Variants in CDH13 observed in about 807,000 individuals in gnomAD.
The protein encoded by CDH13 is cadherin-13.
In CDH13, 24 loss-of-function variants were observed where a neutral mutation model predicts 63.8. That is an observed-to-expected ratio of 0.38 (90% CI 0.27 to 0.53). The LOEUF is 0.53. CDH13 is among the 20% of genes least tolerant of loss of function. The probability of loss-of-function intolerance (pLI) is 0.85; values close to 1 mark genes in which losing one functional copy is unlikely to be tolerated. For missense variants in CDH13, 1,049 were observed against 903.1 expected (o/e 1.16, Z -2.07); for synonymous variants, 503 against 355.3 (o/e 1.42, Z -4.67).
intron 5 of CDH13, among the ~76,000 whole-genome samples, chr16:83,323,645 A>C (rs1456623866): frequency 1.3e-5 from 2 of 152,196 alleles, no homozygotes; most frequent in Non-Finnish European, 2.9e-5. Flanking sequence ...AAATAAAGCA[A>C]AACAAACAAC....
At chr16:82,765,678 G>A (rs11648993) in intron 1 of CDH13, among the ~76,000 whole-genome samples, 32,478 of 152,024 alleles carry the variant, frequency 0.21, 3,454 homozygotes, top group East Asian at 0.23. Context: ...CATTCTAAGG[G>A]AGGCATAATT....
intron 10 of CDH13, among the ~76,000 whole-genome samples, chr16:83,692,612 C>A (rs894728656): frequency 6.6e-6 from 1 of 152,176 alleles, no homozygotes; most frequent in Admixed American, 6.5e-5. Flanking sequence ...TTTTGCCAAA[C>A]TTACTATAGG....
In CDH13 at chr16:83,797,017, G is replaced by T. The variant is rs1904284922; in HGVS notation, c.*1987G>T. 1 of 152,208 alleles carries T rather than the reference G, an allele frequency of 6.6e-6. No individual in the cohort carries two copies. Among genetic ancestry groups the T allele is most frequent in the Non-Finnish European group, 1.5e-5 (1 of 68,056 alleles). 9.4% of individuals were successfully genotyped at this position (152,208 alleles called of 1,614,324 possible). A position where few individuals can be genotyped will look rare whatever the true frequency, so the allele number is the denominator to read the frequency against. ...CACGAGCACATGCCCCCGACTCAGG[G>T]ACAGGGGAATCTAAGCCTGTGCATT... On this transcript the variant is annotated 3_prime_UTR_variant, in exon 14 of 14. Coordinates refer to ENST00000567109, the MANE Select transcript of CDH13 (RefSeq NM_001257.5).
At chr16:82,895,398 T>C (rs568276073) in intron 2 of CDH13, among the ~76,000 whole-genome samples, 2 of 152,334 alleles carry the variant, frequency 1.3e-5, no homozygotes, top group South Asian at 4.1e-4. Context: ...CATCTGGTCC[T>C]TTTCCATTTC....
At chr16:83,297,597 G>A (rs2089633031) in intron 5 of CDH13, among the ~76,000 whole-genome samples, 1 of 152,078 alleles carries the variant, frequency 6.6e-6, no homozygotes, top group Admixed American at 6.6e-5. Context: ...GTTCTCAGTG[G>A]TCTTTGTAGT....
chr16:83,194,188 TCTGGCTGCAGC>T lies in CDH13; in HGVS notation c.484-23154_484-23144del, dbSNP rs568419408. The stretch of plus-strand genomic sequence containing the variant: ...CAGATAGCCTTGGGCTTTCCTTTCT[TCTGGCTGCAGC>T]CTTTGCTAGGTACACATAGGGACAT... On this transcript the variant is annotated intron_variant, in intron 4 of 13. Transcript: ENST00000567109. Among the ~76,000 whole-genome samples the T allele has an allele frequency of 2.1e-4, 32 of 152,354 alleles. No homozygotes were observed. The South Asian group carries it at 4.6e-3, about 22-fold the overall frequency.
chr16:82,804,996 T>C (rs1243532092), intron 1 of CDH13, among the ~76,000 whole-genome samples: 3 of 152,236 alleles, frequency 2.0e-5, no homozygotes, highest in South Asian at 2.1e-4. Flanking sequence ...ATATTCTCTT[T>C]GTATCCATCT....
intron 2 of CDH13, among the ~76,000 whole-genome samples, chr16:83,020,441 C>T (rs538129990): frequency 1.3e-5 from 2 of 152,276 alleles, no homozygotes; most frequent in African/African-American, 4.8e-5. Context: ...AGCCATGTAC[C>T]CCTCAAGGTG....
At chr16:83,196,200 G>A (rs1483409634) in intron 4 of CDH13, among the ~76,000 whole-genome samples, 1 of 152,090 alleles carries the variant, frequency 6.6e-6, no homozygotes, top group Non-Finnish European at 1.5e-5. Flanking sequence ...AGGTTGCAGT[G>A]AGCCTAGAAC....
chr16:83,380,596 T>A (rs546683605), intron 6 of CDH13, among the ~76,000 whole-genome samples: 1 of 152,168 alleles, frequency 6.6e-6, no homozygotes, highest in Non-Finnish European at 1.5e-5. Flanking sequence ...TCTGGAGACG[T>A]CATTTGGGAC....
chr16:83,503,990 A>G (rs1191790303), intron 7 of CDH13, among the ~76,000 whole-genome samples: 2 of 152,136 alleles, frequency 1.3e-5, no homozygotes, highest in African/African-American at 4.8e-5. Flanking sequence ...GCATTAGGAC[A>G]GATGCCCAAT....
intron 8 of CDH13, among the ~76,000 whole-genome samples, chr16:83,630,858 T>C (rs1195795167): frequency 6.6e-6 from 1 of 152,192 alleles, no homozygotes; most frequent in East Asian, 1.9e-4. Context: ...AAAAATAAAA[T>C]GGGAGCAGGT....
intron 2 of CDH13, among the ~76,000 whole-genome samples, chr16:82,914,910 A>G (rs2041939535): frequency 6.6e-6 from 1 of 152,224 alleles, no homozygotes; most frequent in Admixed American, 6.5e-5. Context: ...CATGAGTATC[A>G]GGAAGTCTGA....
chr16:83,481,988 A>C lies in CDH13; in HGVS notation c.782-4489A>C, dbSNP rs967567446. ...ACCCACAGGCAATTGGAGCAGGTGCACTGAGGCCCACCTGCTGCATGTCAG... is the reference window on the plus strand; with the variant it reads ...ACCCACAGGCAATTGGAGCAGGTGCCCTGAGGCCCACCTGCTGCATGTCAG... On this transcript the variant is annotated intron_variant, in intron 6 of 13. Coordinates refer to ENST00000567109, the MANE Select transcript of CDH13 (RefSeq NM_001257.5). 2.6e-5 allele frequency among the ~76,000 whole-genome samples: 4 copies of C among 152,188 alleles called. No homozygotes were observed. In the East Asian group the frequency reaches 7.7e-4, roughly 29 times the overall value.
intron 1 of CDH13, among the ~76,000 whole-genome samples, chr16:82,791,790 G>A (rs1051031918): frequency 2.0e-5 from 3 of 152,158 alleles, no homozygotes; most frequent in Non-Finnish European, 2.9e-5. Flanking sequence ...CTAGTTGCTG[G>A]GCTCCGTGGT....
Position 83,780,071 on chromosome 16 carries a change from T to G in CDH13, c.1785T>G (p.Asp595Glu). ...IYPTVAEVCD[D>E]AKNLSVVILG... ...CCACAGTAGCTGAAGTCTGTGATGA[T>G]GCCAAAAACCTCAGTGTAGTCATTT... The change falls in exon 12 of 14, where the codon GAT becomes GAG. Residue 595 changes from aspartate to glutamate, a missense_variant. Physicochemically the swap from Asp to Glu is conservative, Grantham distance 45. Coordinates refer to ENST00000567109, the MANE Select transcript of CDH13 (RefSeq NM_001257.5). 1 of 1,613,938 alleles carries G rather than the reference T, an allele frequency of 6.2e-7. No individual in the cohort carries two copies. The highest frequency in any genetic ancestry group is 8.5e-7 in the Non-Finnish European group (1 of 1,179,870).
At chr16:82,758,426 A>C (rs1364140653) in intron 1 of CDH13, among the ~76,000 whole-genome samples, 2 of 149,364 alleles carry the variant, frequency 1.3e-5, no homozygotes, top group South Asian at 2.2e-4. Flanking sequence ...GACTGTTGAT[A>C]CCCCCCCCCC....
intron 3 of CDH13, among the ~76,000 whole-genome samples, chr16:83,043,584 C>T (rs1288160887): frequency 6.6e-6 from 1 of 151,868 alleles, no homozygotes; most frequent in Non-Finnish European, 1.5e-5. Flanking sequence ...CAAGGCCAGG[C>T]ACAATGGCTC....
chr16:83,406,863 T>C (rs117007734), intron 6 of CDH13, among the ~76,000 whole-genome samples: 8 of 152,326 alleles, frequency 5.3e-5, no homozygotes, highest in Non-Finnish European at 1.0e-4. Context: ...TCTACCTCAA[T>C]AGAGTATTGT....
Sources: allele counts gnomAD v4.1 joint callset (sites outside exome capture counted in the v4.1 genomes callset), GRCh38; gene constraint gnomAD v4.1.1; transcripts MANE v1.5; gene names NCBI Gene and HGNC (gene_info 2026-07-23, HGNC 2026-07-21).